SMAD1: variants seen among roughly 807,000 people sequenced by gnomAD.
The protein encoded by SMAD1 is SMAD family member 1, also known as MAD, mothers against decapentaplegic homolog 1.
In SMAD1, 6 loss-of-function variants were observed where a neutral mutation model predicts 41.6. That is an observed-to-expected ratio of 0.14 (90% confidence interval 0.08 to 0.28). The LOEUF (loss-of-function observed/expected upper bound fraction) is 0.28. Among genes scored for constraint, SMAD1 ranks in the 10% least tolerant of loss-of-function variants. The pLI, the probability that SMAD1 is intolerant of heterozygous loss-of-function variation, is 1.00. For missense variants in SMAD1, 379 were observed against 582.6 expected, an observed-to-expected ratio of 0.65 and a Z score of 3.60; for synonymous variants, 206 against 203.2, an observed-to-expected ratio of 1.01 and a Z score of -0.12.
chr4:145,494,309 C>T (rs1728940666), intron 1 of SMAD1, among the ~76,000 whole-genome samples: 1 of 152,138 alleles, frequency 6.6e-6, no homozygotes, highest in South Asian at 2.1e-4. Context: ...TCTATTTATG[C>T]TTATGTTCAT....
In SMAD1 at chr4:145,486,163, A is replaced by G. The variant is rs79621577; in HGVS notation, c.-177+4125A>G. ...ACCTTCTATTGTGCCTTTCTGGGCT[A>G]TCTTCTGTCGTTCTTTTGTAAGTGT... On this transcript the variant is annotated intron_variant, in intron 1 of 6. Transcript: ENST00000302085. Among the ~76,000 whole-genome samples, 417 of 152,306 alleles carry G rather than the reference A, an allele frequency of 2.7e-3. 4 individuals carry two copies. Among genetic ancestry groups the G allele is most frequent in the African/African-American group, 9.6e-3 (398 of 41,568 alleles).
Position 145,537,032 on chromosome 4 carries a change from G to A in SMAD1, c.401-2772G>A, listed in dbSNP as rs535386780. Among the ~76,000 whole-genome samples, 114 of 152,142 alleles carry A rather than the reference G, an allele frequency of 7.5e-4. No individual in the cohort carries two copies. In the Middle Eastern group the frequency reaches 0.01, roughly 14 times the overall value. ...CTGCCTGTATTCAAAAATGTCAGTA[G>A]CATGAAAGCAAGAAGGAAAAAAGAC... On this transcript the variant is annotated intron_variant, in intron 2 of 6. Transcript: ENST00000302085.
chr4:145,549,022 A>G (rs556720177), intron 5 of SMAD1, among the ~76,000 whole-genome samples: 2 of 152,306 alleles, frequency 1.3e-5, no homozygotes, highest in East Asian at 1.9e-4. Context: ...TCCTGAGGAA[A>G]TATCAGACAG....
chr4:145,538,058 G>A (rs916991316), intron 2 of SMAD1, among the ~76,000 whole-genome samples: 1 of 152,146 alleles, frequency 6.6e-6, no homozygotes, highest in Non-Finnish European at 1.5e-5. Flanking sequence ...AGGGGCCAAT[G>A]TTTCCCCCTT....
At chr4:145,487,679 A>G (rs1728547568) in intron 1 of SMAD1, among the ~76,000 whole-genome samples, 1 of 152,222 alleles carries the variant, frequency 6.6e-6, no homozygotes, top group African/African-American at 2.4e-5. Context: ...AGAGCCAAAT[A>G]GTATTAATGT....
At chr4:145,512,619 C>G (rs913856214) in intron 1 of SMAD1, among the ~76,000 whole-genome samples, 1 of 152,062 alleles carries the variant, frequency 6.6e-6, no homozygotes, top group Non-Finnish European at 1.5e-5. Flanking sequence ...AATCTTCAAC[C>G]TTGTCTTCTC....
intron 1 of SMAD1, among the ~76,000 whole-genome samples, chr4:145,501,030 A>G (rs1241432282): frequency 2.6e-5 from 4 of 152,362 alleles, no homozygotes; most frequent in African/African-American, 9.6e-5. Flanking sequence ...AGTTAAGGAC[A>G]CTTGTTTTCT....
chr4:145,543,900 A>G (rs1732093403), intron 4 of SMAD1, among the ~76,000 whole-genome samples: 1 of 152,246 alleles, frequency 6.6e-6, no homozygotes, highest in Non-Finnish European at 1.5e-5. Context: ...CAGTTTGGTT[A>G]CTAGGTATGT....
At chr4:145,483,592 G>A (rs575860379) in intron 1 of SMAD1, among the ~76,000 whole-genome samples, 14 of 152,316 alleles carry the variant, frequency 9.2e-5, no homozygotes, top group South Asian at 2.1e-4. Context: ...TAAATATGCT[G>A]TACTGATTAA....
At chr4:145,506,580 G>A (rs1206394971) in intron 1 of SMAD1, among the ~76,000 whole-genome samples, 1 of 152,052 alleles carries the variant, frequency 6.6e-6, no homozygotes, top group African/African-American at 2.4e-5. Context: ...ACAGAGAGTG[G>A]TTGAACATTA....
At chr4:145,551,029 A>G (rs1467178534) in intron 5 of SMAD1, among the ~76,000 whole-genome samples, 4 of 150,894 alleles carry the variant, frequency 2.7e-5, no homozygotes, top group Non-Finnish European at 5.9e-5. Context: ...TGGAAAATGT[A>G]TTCTGAATAT....
chr4:145,554,185 T>G (rs1732713909), intron 6 of SMAD1, 145 bp downstream of exon 6: 1 of 742,816 alleles, frequency 1.3e-6, no homozygotes, highest in African/African-American at 1.8e-5. Flanking sequence ...TTTTTAAACT[T>G]TAACAAAAAT....
chr4:145,499,173 C>T (rs761555912), intron 1 of SMAD1, among the ~76,000 whole-genome samples: 6 of 152,186 alleles, frequency 3.9e-5, no homozygotes, highest in Non-Finnish European at 8.8e-5. Flanking sequence ...TCCCTTTATA[C>T]TATAGGTTGA....
chr4:145,503,534 C>T (rs757569316), intron 1 of SMAD1, among the ~76,000 whole-genome samples: 1 of 152,040 alleles, frequency 6.6e-6, no homozygotes, highest in Non-Finnish European at 1.5e-5. Context: ...CTAAATTTGA[C>T]TCATTTGAGA....
chr4:145,541,161 AC>A (rs1470355588), intron 3 of SMAD1, among the ~76,000 whole-genome samples: 1 of 152,120 alleles, frequency 6.6e-6, no homozygotes, highest in Non-Finnish European at 1.5e-5. Context: ...GTGAGGAGAT[AC>A]ATTTCAGAAG....
chr4:145,527,555 G>T (rs1040839712), intron 2 of SMAD1, among the ~76,000 whole-genome samples: 5 of 152,066 alleles, frequency 3.3e-5, no homozygotes, highest in African/African-American at 9.7e-5. Flanking sequence ...ACGACTGCCG[G>T]AAGATGGTAC....
intron 1 of SMAD1, among the ~76,000 whole-genome samples, chr4:145,504,557 C>T (rs1729657366): frequency 6.6e-6 from 1 of 152,170 alleles, no homozygotes. Flanking sequence ...AGAGTTCTGT[C>T]TCCACCTGTC....
chr4:145,490,398 G>A (rs1333066998), intron 1 of SMAD1, among the ~76,000 whole-genome samples: 8 of 152,206 alleles, frequency 5.3e-5, no homozygotes, highest in Admixed American at 5.2e-4. Context: ...TCAGCACATG[G>A]TAAGGGAAGA....
Position 145,518,232 on chromosome 4 carries a change from A to G in SMAD1, c.400+3219A>G, listed in dbSNP as rs1380006694. Among the ~76,000 whole-genome samples the G allele has an allele frequency of 2.4e-5, 3 of 126,242 alleles. 1 individual carries two copies. The highest frequency in any genetic ancestry group is 7.6e-5 in the African/African-American group (3 of 39,490). 82.8% of individuals were successfully genotyped at this position (126,242 alleles called of 152,430 possible). ...CAGCACACTATGATCATGCCTGTAAATAGCCATTACGTTCTAGCCTGGGCA... is the reference window on the plus strand; with the variant it reads ...CAGCACACTATGATCATGCCTGTAAGTAGCCATTACGTTCTAGCCTGGGCA... On this transcript the variant is annotated intron_variant, in intron 2 of 6. Transcript: ENST00000302085.
Sources: allele counts gnomAD v4.1 joint callset (sites outside exome capture counted in the v4.1 genomes callset), GRCh38; gene constraint gnomAD v4.1.1; transcripts MANE v1.5; gene names NCBI Gene and HGNC (gene_info 2026-07-23, HGNC 2026-07-21).